SDK2: variants seen among roughly 807,000 people sequenced by gnomAD.
The protein encoded by SDK2 is protein sidekick-2.
SDK2 carries 105 observed loss-of-function variants against 253.9 expected under a neutral mutation model. The observed-to-expected ratio is 0.41, with a 90% confidence interval of 0.35 to 0.49. The LOEUF (loss-of-function observed/expected upper bound fraction) is 0.49. SDK2 is among the 20% of genes least tolerant of loss of function. The pLI is 0.06. For missense variants in SDK2, 2,608 were observed against 3,003.0 expected, an observed-to-expected ratio of 0.87 and a Z score of 3.07; for synonymous variants, 1,249 against 1,234.9, an observed-to-expected ratio of 1.01 and a Z score of -0.24.
chr17:73,529,285 C>T (rs745816961), intron 1 of SDK2, among the ~76,000 whole-genome samples: 4 of 152,130 alleles, frequency 2.6e-5, no homozygotes, highest in Admixed American at 6.5e-5. Context: ...AGATTTCACT[C>T]GGGTCTGCCT....
rs2062962432 is a variant in SDK2, at chr17:73,395,346, T to C, written c.3401A>G (p.Tyr1134Cys). 1.2e-6 allele frequency: 2 copies of C among 1,613,944 alleles called. No individual in the cohort carries two copies. Among genetic ancestry groups the C allele is most frequent in the South Asian group, 2.2e-5 (2 of 91,082 alleles). ...EYNGNPESVG[Y>C]KIKYSRSDGH... ...GTCTGACCGGCTGTACTTGATCTTA[T>C]AGCCCACGGACTCAGGGTTCCCATT... The change falls in exon 25 of 45, where the codon TAT becomes TGT. Residue 1134 changes from tyrosine (Y) to cysteine (C), a missense_variant. Around this residue, in one of 2 missense-constraint regions of SDK2, gnomAD observed 1,505 missense variants for 1,859.1 expected, o/e 0.81. Transcript: ENST00000392650. The surrounding 1 kb of genome is among the most constrained non-coding windows in gnomAD (Gnocchi z 4.3).
At chr17:73,384,103 C>T in intron 32 of SDK2, 92 bp from the exon 33 acceptor site, 3 of 1,392,272 alleles carry the variant, frequency 2.2e-6, no homozygotes, top group Non-Finnish European at 3.0e-6. Context: ...AGCCACAGAG[C>T]AGGGACTATG....
Position 73,440,880 on chromosome 17 carries a change from G to A in SDK2, c.657C>T (p.Ile219=), listed in dbSNP as rs1229595646. The stretch of plus-strand genomic sequence containing the variant: ...CCACCACGCTGGTGTTTTTAGGTGG[G>A]ATGATGATGGTGGGTGCGATGGGGT... ...PADPIAPTII[I]PPKNTSVVAG... The change falls in exon 6 of 45, where the codon ATC becomes ATT. Residue 219 remains isoleucine, a synonymous_variant. Coordinates refer to ENST00000392650, the MANE Select transcript of SDK2 (RefSeq NM_001144952.2). The A allele has an allele frequency of 7.7e-6, 12 of 1,551,582 alleles. No individual in the cohort carries two copies. Among genetic ancestry groups the A allele is most frequent in the African/African-American group, 2.7e-5 (2 of 73,048 alleles).
chr17:73,418,694 G>A (rs2063203265), intron 16 of SDK2, among the ~76,000 whole-genome samples: 1 of 152,180 alleles, frequency 6.6e-6, no homozygotes, highest in African/African-American at 2.4e-5. Context: ...TAGAAGAGTA[G>A]TCCCTCAGTC....
chr17:73,476,256 T>C (rs917859527), intron 2 of SDK2, among the ~76,000 whole-genome samples: 6 of 152,190 alleles, frequency 3.9e-5, no homozygotes, highest in African/African-American at 1.2e-4. Context: ...ATTGTGTGTA[T>C]ACAAATACAC....
chr17:73,368,455 C>T lies in SDK2; in HGVS notation c.5119G>A (p.Gly1707Arg), dbSNP rs1450359014. The change falls in exon 37 of 45, where the codon GGG becomes AGG. Residue 1707 changes from glycine (G) to arginine (R), a missense_variant. Gly to Arg is a moderately radical substitution (Grantham distance 125). Coordinates refer to ENST00000392650, the MANE Select transcript of SDK2 (RefSeq NM_001144952.2). ...MVSVAAFNAA[G>R]DGPRSTPTQG... ...GTGGGGGTGCTCCGAGGCCCATCCC[C>T]AGCGGCGTTGAAGGCGGCCACGCTG... 1.2e-6 allele frequency: 2 copies of T among 1,604,878 alleles called. No individual in the cohort carries two copies. The highest frequency in any genetic ancestry group is 1.7e-5 in the Admixed American group (1 of 59,268).
At chr17:73,574,468 G>A (rs1302071300) in intron 1 of SDK2, among the ~76,000 whole-genome samples, 1 of 151,588 alleles carries the variant, frequency 6.6e-6, no homozygotes, top group Non-Finnish European at 1.5e-5. Context: ...TACACGCCTC[G>A]CTGATCAGCC....
intron 2 of SDK2, among the ~76,000 whole-genome samples, chr17:73,476,151 A>G (rs560737863): frequency 9.2e-5 from 14 of 152,378 alleles, no homozygotes; most frequent in African/African-American, 3.4e-4. Context: ...AAATGCAAAC[A>G]AACAAAAAAA....
chr17:73,390,241 C>T, intron 29 of SDK2, 46 bp downstream of exon 29: 2 of 1,474,514 alleles, frequency 1.4e-6, no homozygotes, highest in Non-Finnish European at 9.0e-7. Flanking sequence ...TGGCTGGCCC[C>T]CCCTCAGCTG....
At chr17:73,574,117 G>T (rs572984115) in intron 1 of SDK2, among the ~76,000 whole-genome samples, 1 of 152,156 alleles carries the variant, frequency 6.6e-6, no homozygotes, top group Non-Finnish European at 1.5e-5. Context: ...CCACATCTAT[G>T]CATTTCCTCA....
In SDK2 at chr17:73,609,861, C is replaced by A. The variant is rs938420015; in HGVS notation, c.64+34164G>T. 6.6e-6 allele frequency among the ~76,000 whole-genome samples: 1 copy of A among 152,228 alleles called. No individual in the cohort carries two copies. The highest frequency in any genetic ancestry group is 6.5e-5 in the Admixed American group (1 of 15,288). On this transcript the variant is annotated intron_variant, in intron 1 of 44. Transcript: ENST00000392650. This position sits in a 1 kb window ranked among gnomAD's most constrained non-coding sequence, Gnocchi z 4.4. ...CCCAAGGAGACAGAGTCCCTGCTGG[C>A]CATGTCCCTCCCATTCCAGCAATCA...
At chr17:73,568,991 T>C (rs980218227) in intron 1 of SDK2, among the ~76,000 whole-genome samples, 3 of 152,182 alleles carry the variant, frequency 2.0e-5, no homozygotes, top group Admixed American at 6.5e-5. Context: ...CCTTTGTGTA[T>C]ATTTTCTTAA....
chr17:73,500,854 A>C (rs1263957647), intron 2 of SDK2, among the ~76,000 whole-genome samples: 4 of 106,064 alleles, frequency 3.8e-5, no homozygotes, highest in African/African-American at 1.1e-4. Context: ...TCCTCCCTCC[A>C]TTCTCCTCCA....
intron 2 of SDK2, chr17:73,504,237 AGTGTGTGTGT>A (rs34971621): frequency 0.01 from 1,051 of 103,268 alleles, 4 homozygotes; most frequent in Non-Finnish European, 0.014. Context: ...AGAGAGAGAA[AGTGTGTGTGT>A]GTGTGTGTGT....
rs375613000 is a variant in SDK2, at chr17:73,634,990, AT to A, written c.64+9034del. Among the ~76,000 whole-genome samples, 660 of 143,178 alleles carry A rather than the reference AT, an allele frequency of 4.6e-3. 1 individual carries two copies. The highest frequency in any genetic ancestry group is 0.013 in the African/African-American group (504 of 39,278). The allele number at this position is 143,178 out of a possible 152,430, so 93.9% of individuals were successfully genotyped here. On this transcript the variant is annotated intron_variant, in intron 1 of 44. Transcript: ENST00000392650. ...GGAGTCACCCGCATTTCAGGTTTCT[AT>A]TTTTTTTTTTTTGAGACAGAGTCTC...
At position 73,414,759 on chromosome 17, in the gene SDK2, A is replaced by G; in HGVS notation, c.2369T>C (p.Val790Ala). Reference protein sequence around the residue: ...SKVTEWTLQGVPTVPPGNVHA... With the variant: ...SKVTEWTLQGAPTVPPGNVHA... ...CACATTGCCCGGAGGGACCGTGGGAACTAGAGGAGATGAGAGAACGGGGTG... is the reference window on the plus strand; with the variant it reads ...CACATTGCCCGGAGGGACCGTGGGAGCTAGAGGAGATGAGAGAACGGGGTG... Residue 790 changes from valine to alanine, a missense_variant and splice_region_variant, in exon 18 of 45, where the codon GTT becomes GCT. By Grantham distance (64) the Val-to-Ala change is moderately conservative. Coordinates refer to ENST00000392650, the MANE Select transcript of SDK2 (RefSeq NM_001144952.2). The G allele has an allele frequency of 6.2e-7, 1 of 1,609,346 alleles. No homozygotes were observed. The highest frequency in any genetic ancestry group is 1.3e-5 in the African/African-American group (1 of 74,896).
In SDK2 at chr17:73,431,665, C is replaced by T. The variant is rs768718345; in HGVS notation, c.1317G>A (p.Glu439=). ...GCACAGAGCCACTGGCCAAGATGCGCTCCCCTGAGGGCAAAACAGGGTGGG... is the reference window on the plus strand; with the variant it reads ...GCACAGAGCCACTGGCCAAGATGCGTTCCCCTGAGGGCAAAACAGGGTGGG... ...PRPAITWQKG[E]RILASGSVQL... Residue 439 remains glutamate, a synonymous_variant, in exon 11 of 45, where the codon GAG becomes GAA. Coordinates refer to ENST00000392650, the MANE Select transcript of SDK2 (RefSeq NM_001144952.2). The surrounding 1 kb of genome is among the most constrained non-coding windows in gnomAD (Gnocchi z 5.6). The T allele has an allele frequency of 6.2e-7, 1 of 1,607,462 alleles. No homozygotes were observed. The highest frequency in any genetic ancestry group is 1.1e-5 in the South Asian group (1 of 90,640).
intron 3 of SDK2, among the ~76,000 whole-genome samples, chr17:73,466,857 A>C (rs536815214): frequency 2.0e-5 from 3 of 152,092 alleles, no homozygotes; most frequent in African/African-American, 7.2e-5. Context: ...AATGGATCTC[A>C]TTTTACAGAT....
intron 40 of SDK2, among the ~76,000 whole-genome samples, chr17:73,356,623 G>A (rs2062594263): frequency 6.6e-6 from 1 of 152,162 alleles, no homozygotes; most frequent in South Asian, 2.1e-4. Flanking sequence ...GGGGAGAGAT[G>A]CTCACCCCAT....
Sources: allele counts gnomAD v4.1 joint callset (sites outside exome capture counted in the v4.1 genomes callset), GRCh38; gene constraint gnomAD v4.1.1; regional missense constraint gnomAD v4.1.1; non-coding constraint Gnocchi (gnomAD v3.1); transcripts MANE v1.5; gene names NCBI Gene and HGNC (gene_info 2026-07-23, HGNC 2026-07-21).